Variants in DDAH1 observed in about 807,000 individuals in gnomAD.
DDAH1 encodes N(G),N(G)-dimethylarginine dimethylaminohydrolase 1.
A neutral mutation model predicts 28.8 loss-of-function variants in DDAH1; 19 were observed. The observed-to-expected ratio is 0.66, with a 90% CI of 0.46 to 0.97. DDAH1 has a LOEUF of 0.97. Among genes scored for constraint, DDAH1 ranks in the 50% least tolerant of loss-of-function variants. The probability of loss-of-function intolerance (pLI) is 0.00; values close to 1 mark genes in which losing one functional copy is unlikely to be tolerated. For missense variants in DDAH1, 326 were observed against 375.9 expected, an observed-to-expected ratio of 0.87 and a Z score of 1.10; for synonymous variants, 153 against 154.4, an observed-to-expected ratio of 0.99 and a Z score of 0.07.
intron 2 of DDAH1, among the ~76,000 whole-genome samples, chr1:85,476,065 T>C (rs1322807888): frequency 1.3e-5 from 2 of 152,164 alleles, no homozygotes; most frequent in African/African-American, 4.8e-5. Context: ...TTTCGCCATA[T>C]TGCCCAGGCT....
At chr1:85,356,256 T>A (rs1455985954) in intron 2 of DDAH1, among the ~76,000 whole-genome samples, 8 of 152,310 alleles carry the variant, frequency 5.3e-5, no homozygotes, top group African/African-American at 1.7e-4. Context: ...TTAAGAGAAA[T>A]GGTATTGAAA....
chr1:85,547,079 A>C (rs961596101), intron 1 of DDAH1, among the ~76,000 whole-genome samples: 7 of 152,152 alleles, frequency 4.6e-5, no homozygotes, highest in African/African-American at 1.4e-4. Flanking sequence ...ATCCTCTCAG[A>C]GGAGAAATTT....
intron 1 of DDAH1, among the ~76,000 whole-genome samples, chr1:85,505,204 C>A (rs1656972620): frequency 6.6e-6 from 1 of 151,940 alleles, no homozygotes; most frequent in Admixed American, 6.6e-5. Flanking sequence ...TCAGGCTGGT[C>A]TCCTGACCTC....
At chr1:85,518,541 A>C (rs1164088801) in intron 1 of DDAH1, among the ~76,000 whole-genome samples, 1 of 152,086 alleles carries the variant, frequency 6.6e-6, no homozygotes, top group East Asian at 1.9e-4. Flanking sequence ...AAAAACAGCG[A>C]CAGGGTGGTG....
intron 1 of DDAH1, among the ~76,000 whole-genome samples, chr1:85,577,032 T>C (rs898933620): frequency 2.0e-4 from 31 of 151,874 alleles, no homozygotes; most frequent in East Asian, 3.9e-4. Context: ...TCACCAAATA[T>C]GGGCCGGGGC....
intron 1 of DDAH1, among the ~76,000 whole-genome samples, chr1:85,554,276 G>GTTTTT (rs368410411): frequency 0.097 from 10,739 of 110,298 alleles, 659 homozygotes; most frequent in African/African-American, 0.17. Flanking sequence ...AATTGTAAGA[G>GTTTTT]TTTTTTTTTT....
At chr1:85,323,006 C>T (rs1199823831) in intron 5 of DDAH1, among the ~76,000 whole-genome samples, 1 of 152,094 alleles carries the variant, frequency 6.6e-6, no homozygotes, top group Non-Finnish European at 1.5e-5. Context: ...GTATGAGATC[C>T]ATTACTCATC....
rs190662812 is a variant in DDAH1 at position 85,470,178 on chromosome 1, C to T, written c.-7+25988G>A. ...TTCACACTGCTGATAAAGACATACC[C>T]GAGACTGGGTAATTTATAAAGAAAA... On this transcript the variant is annotated intron_variant, in intron 2 of 6. Coordinates refer to the DDAH1 transcript ENST00000426972. Among the ~76,000 whole-genome samples, 606 of 152,132 alleles carry T rather than the reference C, an allele frequency of 4.0e-3. 1 individual carries two copies. The highest frequency in any genetic ancestry group is 9.8e-3 in the South Asian group (47 of 4,808).
chr1:85,422,620 T>G (rs904138764), intron 1 of DDAH1, among the ~76,000 whole-genome samples: 8 of 152,216 alleles, frequency 5.3e-5, no homozygotes, highest in African/African-American at 1.9e-4. Flanking sequence ...CTTATGGACA[T>G]CCTATTGTTC....
intron 1 of DDAH1, among the ~76,000 whole-genome samples, chr1:85,554,496 G>A (rs908890142): frequency 2.0e-5 from 3 of 152,002 alleles, no homozygotes; most frequent in African/African-American, 7.3e-5. Flanking sequence ...TAATTTTCAG[G>A]ATTATAACTG....
intron 1 of DDAH1, among the ~76,000 whole-genome samples, chr1:85,538,432 A>G (rs1206882927): frequency 2.0e-5 from 3 of 152,198 alleles, no homozygotes; most frequent in Non-Finnish European, 2.9e-5. Context: ...ATCCTAAACC[A>G]TATGGTATCA....
intron 2 of DDAH1, chr1:85,496,120 G>A (rs1252577437): frequency 2.3e-6 from 1 of 429,098 alleles, no homozygotes; most frequent in Non-Finnish European, 3.1e-6. Context: ...TAAATCAAAT[G>A]TGTTTACTTT....
chr1:85,463,208 C>A (rs913489372), intron 1 of DDAH1, among the ~76,000 whole-genome samples: 1 of 152,122 alleles, frequency 6.6e-6, no homozygotes, highest in Admixed American at 6.5e-5. Context: ...AAAATCTAGG[C>A]AGGGGAAAAA....
chr1:85,386,367 A>C (rs959947713), intron 1 of DDAH1, among the ~76,000 whole-genome samples: 4 of 152,234 alleles, frequency 2.6e-5, no homozygotes, highest in African/African-American at 9.6e-5. Context: ...TCCGATTCCA[A>C]AAGGGAGGAA....
chr1:85,514,334 T>C (rs1268854733), intron 1 of DDAH1, among the ~76,000 whole-genome samples: 2 of 152,026 alleles, frequency 1.3e-5, no homozygotes, highest in African/African-American at 4.8e-5. Flanking sequence ...AATTGAACAA[T>C]GAGATCACTT....
intron 1 of DDAH1, among the ~76,000 whole-genome samples, chr1:85,365,664 T>C (rs1650034520): frequency 2.0e-5 from 3 of 151,160 alleles, no homozygotes; most frequent in South Asian, 4.2e-4. Context: ...GTGATGAATT[T>C]AGAGAGATGA....
intron 1 of DDAH1, among the ~76,000 whole-genome samples, chr1:85,514,989 A>AT (rs1657416852): frequency 7.4e-6 from 1 of 134,532 alleles, no homozygotes; most frequent in African/African-American, 2.8e-5. Flanking sequence ...CATTGCTTCT[A>AT]TGTTCTTTCA....
intron 1 of DDAH1, among the ~76,000 whole-genome samples, chr1:85,438,601 C>T (rs984631027): frequency 1.3e-5 from 2 of 152,120 alleles, no homozygotes; most frequent in Non-Finnish European, 2.9e-5. Context: ...TTGAGCAACC[C>T]CAGCTGACAC....
At chr1:85,438,632 T>G (rs1160453886) in intron 1 of DDAH1, among the ~76,000 whole-genome samples, 1 of 152,186 alleles carries the variant, frequency 6.6e-6, no homozygotes, top group Non-Finnish European at 1.5e-5. Flanking sequence ...AGAGACATGT[T>G]ATACCACCAA....
Sources: gnomAD v4.1 joint callset for allele counts (sites outside exome capture counted in the v4.1 genomes callset) on GRCh38, gnomAD v4.1.1 for gene constraint, MANE v1.5 for transcripts, NCBI Gene and HGNC (gene_info 2026-07-23, HGNC 2026-07-21) for gene names.